Variants in USP3 observed in about 807,000 individuals in gnomAD.
The protein encoded by USP3 is ubiquitin specific peptidase 3.
A neutral mutation model predicts 72.3 loss-of-function variants in USP3; 20 were observed. The ratio of observed to expected loss-of-function variants is 0.28; its 90% CI spans 0.19 to 0.40. The LOEUF is 0.40. Among genes scored for constraint, USP3 ranks in the 10% least tolerant of loss-of-function variants. The probability of loss-of-function intolerance (pLI) is 1.00; values close to 1 mark genes in which losing one functional copy is unlikely to be tolerated. For synonymous variants in USP3, 222 were observed against 225.3 expected (o/e 0.99, Z 0.13); for missense variants, 479 against 633.9 (o/e 0.76, Z 2.62).
At chr15:63,508,550 T>C (rs1031216249) in intron 1 of USP3, among the ~76,000 whole-genome samples, 1 of 152,208 alleles carries the variant, frequency 6.6e-6, no homozygotes, top group Non-Finnish European at 1.5e-5. Flanking sequence ...GGGATTCTAG[T>C]TTAAAATGAA....
At chr15:63,525,077 G>C (rs1446847114) in intron 1 of USP3, among the ~76,000 whole-genome samples, 1 of 152,186 alleles carries the variant, frequency 6.6e-6, no homozygotes, top group South Asian at 2.1e-4. Context: ...GAGACTGATT[G>C]TCAGGAATAA....
At chr15:63,561,249 G>A (rs1294436685) in intron 7 of USP3, among the ~76,000 whole-genome samples, 1 of 152,174 alleles carries the variant, frequency 6.6e-6, no homozygotes, top group African/African-American at 2.4e-5. Context: ...AGAAGAGTTA[G>A]TAGTACTTGA....
chr15:63,554,114 G>T (rs1439909988), intron 4 of USP3, among the ~76,000 whole-genome samples: 1 of 152,118 alleles, frequency 6.6e-6, no homozygotes, highest in African/African-American at 2.4e-5. Flanking sequence ...GCAGAAAAAG[G>T]TGTGAAATCA....
intron 3 of USP3, chr15:63,542,082 A>G (rs1239120838): frequency 2.0e-6 from 2 of 985,132 alleles, no homozygotes; most frequent in African/African-American, 1.7e-5. Flanking sequence ...TGCTTTGGGA[A>G]TATTTTCTTA....
chr15:63,559,834 T>G, intron 6 of USP3, 23 bp from the exon 7 acceptor site: 1 of 1,583,676 alleles, frequency 6.3e-7, no homozygotes, highest in Non-Finnish European at 8.6e-7. Flanking sequence ...TTTTAAAATA[T>G]TTTTCCCTTC....
chr15:63,573,342 A>G (rs974583322), intron 9 of USP3, among the ~76,000 whole-genome samples: 1 of 152,192 alleles, frequency 6.6e-6, no homozygotes, highest in African/African-American at 2.4e-5. Flanking sequence ...TTTATATCTG[A>G]TGGAGCAGAG....
At chr15:63,589,597 AGGCACCT>A (rs545575196) in intron 14 of USP3, among the ~76,000 whole-genome samples, 68 of 152,300 alleles carry the variant, frequency 4.5e-4, no homozygotes, top group African/African-American at 1.5e-3. Flanking sequence ...ACTACTTTAC[AGGCACCT>A]GGCTTTTTTC....
At chr15:63,534,404 T>G (rs760257685) in intron 2 of USP3, among the ~76,000 whole-genome samples, 10 of 152,196 alleles carry the variant, frequency 6.6e-5, no homozygotes, top group Admixed American at 1.3e-4. Flanking sequence ...TAAATTCTGC[T>G]GGTCTTCATG....
intron 6 of USP3, among the ~76,000 whole-genome samples, chr15:63,559,351 T>C (rs1033843699): frequency 6.6e-6 from 1 of 152,216 alleles, no homozygotes; most frequent in African/African-American, 2.4e-5. Context: ...CAAGGTTACA[T>C]TGCTGATAAG....
chr15:63,563,688 C>A (rs1395432605), intron 8 of USP3, among the ~76,000 whole-genome samples: 2 of 152,154 alleles, frequency 1.3e-5, no homozygotes, highest in African/African-American at 4.8e-5. Flanking sequence ...CCACCTTCTG[C>A]CGATTTTACC....
chr15:63,547,660 G>C (rs1490834395), intron 3 of USP3, among the ~76,000 whole-genome samples: 2 of 151,414 alleles, frequency 1.3e-5, no homozygotes, highest in Non-Finnish European at 2.9e-5. Context: ...AGTCCAGGAG[G>C]TCAAGGCTGC....
At chr15:63,530,460 G>A (rs995677834) in intron 1 of USP3, 10 of 317,504 alleles carry the variant, frequency 3.1e-5, no homozygotes, top group African/African-American at 1.4e-4. Context: ...CTGTAGGCAC[G>A]TGCCACCACA....
intron 3 of USP3, among the ~76,000 whole-genome samples, chr15:63,543,624 C>T (rs904904722): frequency 6.6e-6 from 1 of 152,100 alleles, no homozygotes; most frequent in East Asian, 1.9e-4. Flanking sequence ...TGGATTTATT[C>T]GTCCCATATA....
At chr15:63,520,337 T>C (rs746545858) in intron 1 of USP3, among the ~76,000 whole-genome samples, 1 of 152,132 alleles carries the variant, frequency 6.6e-6, no homozygotes, top group Admixed American at 6.5e-5. Context: ...CACAATTCTA[T>C]AATCAGAGAA....
intron 5 of USP3, 134 bp downstream of exon 5, chr15:63,556,882 AAT>A (rs1205483723): frequency 4.4e-6 from 3 of 684,016 alleles, no homozygotes; most frequent in African/African-American, 3.6e-5. Context: ...TATTTTACAC[AAT>A]GTTTGCCACC....
In USP3 at chr15:63,574,220, A is replaced by T; in HGVS notation, c.1015+68A>T. ...ATAAATTTAATGTTTCCTTCAAAAA[A>T]TAAGTGTAAAGAGAAATCTAGAAAT... On this transcript the variant is annotated intron_variant, in intron 10 of 14. Coordinates refer to ENST00000380324, the MANE Select transcript of USP3 (RefSeq NM_006537.4). The surrounding 1 kb of genome is among the most constrained non-coding windows in gnomAD (Gnocchi z 4.6). The T allele has an allele frequency of 7.1e-7, 1 of 1,405,572 alleles. No individual in the cohort carries two copies. The highest frequency in any genetic ancestry group is 9.5e-7 in the Non-Finnish European group (1 of 1,056,688). 87.1% of individuals were successfully genotyped at this position (1,405,572 alleles called of 1,614,324 possible).
At chr15:63,567,369 C>G (rs977747697) in intron 8 of USP3, among the ~76,000 whole-genome samples, 1 of 114,364 alleles carries the variant, frequency 8.7e-6, no homozygotes, top group Non-Finnish European at 1.7e-5. Flanking sequence ...TTTTTTGAGA[C>G]GGAGTCTCGC....
chr15:63,509,167 G>A (rs570796400), intron 1 of USP3, among the ~76,000 whole-genome samples: 6 of 152,114 alleles, frequency 3.9e-5, no homozygotes, highest in Non-Finnish European at 8.8e-5. Context: ...ACACTCGTTT[G>A]CCCAGTGGAC....
At position 63,574,020 on chromosome 15, in the gene USP3, T is replaced by C. The variant is rs764550857; in HGVS notation, c.909-26T>C. The C allele has an allele frequency of 1.3e-6, 2 of 1,493,812 alleles. No homozygotes were observed. The highest frequency in any genetic ancestry group is 4.7e-5 in the East Asian group (2 of 42,422). 92.5% of individuals were successfully genotyped at this position (1,493,812 alleles called of 1,614,324 possible). Reference sequence around the variant, plus strand: ...AAAGAGATGGCTTCTTACTGAGATATTTTCCTGTGTGGTGATTTTGTTTAG... The same window carrying C: ...AAAGAGATGGCTTCTTACTGAGATACTTTCCTGTGTGGTGATTTTGTTTAG... On this transcript the variant is annotated intron_variant, in intron 9 of 14. Coordinates refer to ENST00000380324, the MANE Select transcript of USP3 (RefSeq NM_006537.4). The surrounding 1 kb of genome is among the most constrained non-coding windows in gnomAD (Gnocchi z 4.6).
Sources: allele counts gnomAD v4.1 joint callset (sites outside exome capture counted in the v4.1 genomes callset), GRCh38; gene constraint gnomAD v4.1.1; non-coding constraint Gnocchi (gnomAD v3.1); transcripts MANE v1.5; gene names NCBI Gene and HGNC (gene_info 2026-07-23, HGNC 2026-07-21).